Variants in FGF12 observed in about 807,000 individuals in gnomAD.
The protein encoded by FGF12 is fibroblast growth factor 12.
In FGF12, 14 loss-of-function variants were observed where a neutral mutation model predicts 23.6. The observed-to-expected ratio is 0.59, with a 90% CI of 0.39 to 0.93. FGF12 has a LOEUF of 0.93. Ranked by LOEUF, FGF12 falls within the 40% of genes least tolerant of loss-of-function variation. The probability of loss-of-function intolerance (pLI) is 0.00; values close to 1 mark genes in which losing one functional copy is unlikely to be tolerated. For missense variants in FGF12, 175 were observed against 217.8 expected (o/e 0.80, Z 1.24); for synonymous variants, 62 against 77.3 (o/e 0.80, Z 1.04).
intron 5 of FGF12, among the ~76,000 whole-genome samples, chr3:192,158,368 TTCTTTC>T (rs1445658105): frequency 1.0e-5 from 1 of 98,638 alleles, no homozygotes; most frequent in Non-Finnish European, 2.0e-5. Flanking sequence ...CTTTCTTTCT[TTCTTTC>T]TTTCTTTCTT....
chr3:192,613,804 C>T (rs1714645604), intron 2 of FGF12, among the ~76,000 whole-genome samples: 1 of 151,870 alleles, frequency 6.6e-6, no homozygotes, highest in Non-Finnish European at 1.5e-5. Flanking sequence ...AAATTCCAAC[C>T]CTGTGTACAG....
chr3:192,343,480 T>C (rs944328648), intron 3 of FGF12, among the ~76,000 whole-genome samples: 6 of 152,158 alleles, frequency 3.9e-5, no homozygotes, highest in Admixed American at 6.6e-5. Context: ...ATTCATAATA[T>C]TTGCAGGCCA....
chr3:192,459,612 C>T (rs1722792465), intron 2 of FGF12, among the ~76,000 whole-genome samples: 1 of 152,070 alleles, frequency 6.6e-6, no homozygotes, highest in South Asian at 2.1e-4. Context: ...TCTGCATGAG[C>T]CTTGTCTTTG....
At chr3:192,355,602 G>C (rs575088881) in intron 3 of FGF12, among the ~76,000 whole-genome samples, 64 of 152,208 alleles carry the variant, frequency 4.2e-4, no homozygotes, top group Non-Finnish European at 5.4e-4. Flanking sequence ...TTCTTGGTAA[G>C]AGGATGTAAG....
At chr3:192,216,851 A>G (rs914629603) in intron 4 of FGF12, among the ~76,000 whole-genome samples, 1 of 152,242 alleles carries the variant, frequency 6.6e-6, no homozygotes, top group Non-Finnish European at 1.5e-5. Context: ...TCTGGTTTCC[A>G]ACTCTTATCA....
chr3:192,634,746 T>C (rs1003392826), intron 2 of FGF12, among the ~76,000 whole-genome samples: 1 of 152,120 alleles, frequency 6.6e-6, no homozygotes, highest in Non-Finnish European at 1.5e-5. Context: ...GAAACTTAAA[T>C]TACTTAAAAT....
intron 2 of FGF12, among the ~76,000 whole-genome samples, chr3:192,465,314 G>A (rs756662773): frequency 2.0e-5 from 3 of 152,078 alleles, no homozygotes; most frequent in Non-Finnish European, 2.9e-5. Context: ...CCCAAATTCC[G>A]AAACACCGTC....
chr3:192,239,145 A>T (rs1020177214), intron 4 of FGF12, among the ~76,000 whole-genome samples: 3 of 152,306 alleles, frequency 2.0e-5, no homozygotes, highest in Admixed American at 6.5e-5. Flanking sequence ...ATATAAATTG[A>T]GCCCAAAAAA....
chr3:192,511,025 A>G (rs1359354217), intron 2 of FGF12, among the ~76,000 whole-genome samples: 1 of 152,058 alleles, frequency 6.6e-6, no homozygotes. Flanking sequence ...TTTTGCCTAC[A>G]GTGTTTCAAT....
At chr3:192,628,890 T>C (rs9838786) in intron 2 of FGF12, among the ~76,000 whole-genome samples, 66,381 of 151,320 alleles carry the variant, frequency 0.44, 15,148 homozygotes, top group East Asian at 0.53. Context: ...CTGACTAATA[T>C]AGGTATGGAG....
chr3:192,352,225 C>A (rs939565542), intron 3 of FGF12, among the ~76,000 whole-genome samples: 1 of 152,062 alleles, frequency 6.6e-6, no homozygotes, highest in South Asian at 2.1e-4. Flanking sequence ...GGAGTCAGAT[C>A]CCCATAGAAA....
At chr3:192,400,896 C>T (rs1421285172) in intron 2 of FGF12, among the ~76,000 whole-genome samples, 1 of 152,174 alleles carries the variant, frequency 6.6e-6, no homozygotes, top group Non-Finnish European at 1.5e-5. Context: ...TGGCCATCAA[C>T]TTCATTTCAA....
chr3:192,507,542 C>T (rs958512468), intron 2 of FGF12, among the ~76,000 whole-genome samples: 2 of 152,106 alleles, frequency 1.3e-5, no homozygotes, highest in African/African-American at 4.8e-5. Flanking sequence ...CTTACTTTAT[C>T]TCACGATAAG....
At chr3:192,477,349 G>A (rs941105654) in intron 2 of FGF12, among the ~76,000 whole-genome samples, 5 of 152,212 alleles carry the variant, frequency 3.3e-5, no homozygotes, top group African/African-American at 1.2e-4. Flanking sequence ...CAGGAAGAAA[G>A]CAGAGGTGGG....
At chr3:192,234,574 T>C (rs1719184768) in intron 4 of FGF12, among the ~76,000 whole-genome samples, 1 of 152,210 alleles carries the variant, frequency 6.6e-6, no homozygotes. Flanking sequence ...CAGTACAATG[T>C]TGAATAGGAG....
rs1342963944 is a variant in FGF12 at position 192,505,231 on chromosome 3, T to C, written c.14-144693A>G. Among the ~76,000 whole-genome samples the C allele has an allele frequency of 1.6e-4, 24 of 152,212 alleles. 1 individual carries two copies. Among genetic ancestry groups the C allele is most frequent in the Non-Finnish European group, 2.9e-4 (20 of 68,030 alleles). The stretch of plus-strand genomic sequence containing the variant: ...CTCCACCTAGCTACACCCTTACTTA[T>C]ATTTAAATAAAGTCAATATGTACAC... On this transcript the variant is annotated intron_variant, in intron 2 of 5. Transcript: ENST00000445105.
Position 192,504,387 on chromosome 3 carries a change from T to C in FGF12, c.14-143849A>G, listed in dbSNP as rs1724232100. ...AAAGAATATCTATGCCTTTGAAAGT[T>C]ACACACTGTAAGAGTTAACATTTGC... On this transcript the variant is annotated intron_variant, in intron 2 of 5. Transcript: ENST00000445105. Among the ~76,000 whole-genome samples, 9 of 152,314 alleles carry C rather than the reference T, an allele frequency of 5.9e-5. No individual in the cohort carries two copies. In the South Asian group the frequency reaches 1.9e-3, roughly 32 times the overall value.
chr3:192,560,091 T>C (rs1213330654), intron 2 of FGF12, among the ~76,000 whole-genome samples: 2 of 151,874 alleles, frequency 1.3e-5, no homozygotes, highest in African/African-American at 4.8e-5. Flanking sequence ...ATGAAGAAAA[T>C]CTTCAATATT....
intron 4 of FGF12, among the ~76,000 whole-genome samples, chr3:192,267,457 A>G (rs1713153549): frequency 6.6e-6 from 1 of 152,200 alleles, no homozygotes; most frequent in African/African-American, 2.4e-5. Context: ...ATAAAAGACT[A>G]TATCTTCTCT....
Sources: gnomAD v4.1 joint callset for allele counts (sites outside exome capture counted in the v4.1 genomes callset) on GRCh38, gnomAD v4.1.1 for gene constraint, MANE v1.5 for transcripts, NCBI Gene and HGNC (gene_info 2026-07-23, HGNC 2026-07-21) for gene names.